PHKA1: variants seen among roughly 807,000 people sequenced by gnomAD.
PHKA1 encodes phosphorylase b kinase regulatory subunit alpha, skeletal muscle isoform.
In PHKA1, 60 loss-of-function variants were observed where a neutral mutation model predicts 110.2. The observed-to-expected ratio is 0.54, with a 90% CI of 0.44 to 0.68. The LOEUF is 0.68. Among genes scored for constraint, PHKA1 ranks in the 30% least tolerant of loss-of-function variants. The pLI is 0.00. For missense variants in PHKA1, 801 were observed against 942.5 expected (o/e 0.85, Z 1.97); for synonymous variants, 316 against 333.6 (o/e 0.95, Z 0.58).
At chrX:72,585,601 C>A (rs1297542564) in intron 29 of PHKA1, among the ~76,000 whole-genome samples, 1 of 111,738 alleles carries the variant, frequency 8.9e-6, no homozygotes, top group African/African-American at 3.3e-5. Context: ...GGAGGGCAAG[C>A]CAAAACAGGG....
chrX:72,695,958 A>C, intron 3 of PHKA1, 82 bp from the exon 4 acceptor site: 1 of 774,503 alleles, frequency 1.3e-6, no homozygotes, highest in Non-Finnish European at 2.0e-6. Flanking sequence ...TCTAACATAC[A>C]TTATTGCAAT....
intron 8 of PHKA1, 109 bp from the exon 9 acceptor site, chrX:72,657,750 T>C (rs1208109104): frequency 5.0e-6 from 3 of 604,665 alleles, no homozygotes; most frequent in Non-Finnish European, 8.1e-6. Context: ...CTATCACCGA[T>C]AAAGGCATAA....
intron 6 of PHKA1, among the ~76,000 whole-genome samples, chrX:72,673,625 T>A (rs1472305485): frequency 9.0e-6 from 1 of 110,501 alleles, no homozygotes; most frequent in East Asian, 2.8e-4. Context: ...CAATATTTGT[T>A]TCCAAAGGTA....
intron 3 of PHKA1, among the ~76,000 whole-genome samples, chrX:72,703,261 C>T (rs1376358536): frequency 8.9e-6 from 1 of 112,004 alleles, no homozygotes; most frequent in African/African-American, 3.2e-5. Context: ...CAAAGGACAA[C>T]TGAAAGACTT....
chrX:72,712,860 C>A lies in PHKA1; in HGVS notation c.156G>T (p.Leu52Phe). ...AWVRDNVYSI[L>F]AVWGLGLAYR... Reference sequence around the variant, plus strand: ...AGGCCAGGCCCAAACCCCACACAGCCAAGATGCTGTACACATTATCTCGGA... The same window carrying A: ...AGGCCAGGCCCAAACCCCACACAGCAAAGATGCTGTACACATTATCTCGGA... Residue 52 changes from leucine to phenylalanine, a missense_variant, in exon 2 of 32, where the codon TTG (leucine) becomes TTT (phenylalanine). Physicochemically the swap from Leu to Phe is conservative, Grantham distance 22. This residue lies in a region of PHKA1 where 299 missense variants were observed against 423.3 expected (regional missense o/e 0.71). Coordinates refer to ENST00000373542, the MANE Select transcript of PHKA1 (RefSeq NM_002637.4). 8.3e-7 allele frequency: 1 copy of A among 1,209,775 alleles called. No homozygotes were observed. The highest frequency in any genetic ancestry group is 1.1e-6 in the Non-Finnish European group (1 of 893,766).
chrX:72,605,076 G>A (rs377552825), intron 25 of PHKA1, among the ~76,000 whole-genome samples, 195 bp downstream of exon 25: 7 of 111,963 alleles, frequency 6.3e-5, no homozygotes, highest in South Asian at 3.7e-4. Context: ...CTGAAGCTGC[G>A]AACTGATACA....
At chrX:72,667,564 G>A in intron 6 of PHKA1, 91 bp from the exon 7 acceptor site, 2 of 628,404 alleles carry the variant, frequency 3.2e-6, no homozygotes, top group South Asian at 4.8e-5. Context: ...CAACACACAT[G>A]ATGTCACTTT....
At chrX:72,599,216 T>C (rs1556238611) in intron 28 of PHKA1, among the ~76,000 whole-genome samples, 6 of 112,074 alleles carry the variant, frequency 5.4e-5, no homozygotes, top group Non-Finnish European at 1.1e-4. Context: ...TTGTTTCGAA[T>C]AATTTTCCAT....
chrX:72,602,232 G>T lies in PHKA1; in HGVS notation c.2959C>A (p.His987Asn). The change falls in exon 27 of 32, where the codon CAC (histidine) becomes AAC (asparagine). Residue 987 changes from histidine to asparagine, a missense_variant. By Grantham distance (68) the His-to-Asn change is moderately conservative. This residue lies in a region of PHKA1 where 502 missense variants were observed against 519.2 expected (regional missense o/e 0.97). Coordinates refer to ENST00000373542, the MANE Select transcript of PHKA1 (RefSeq NM_002637.4). ...GTTGCTCCAACAGCACCAATCTCGTGGATAGAAATAGCAGGACTGACATTT... is the reference window on the plus strand; with the variant it reads ...GTTGCTCCAACAGCACCAATCTCGTTGATAGAAATAGCAGGACTGACATTT... ...DSNVSPAISI[H>N]EIGAVGATKT... 1 of 1,201,481 alleles carries T rather than the reference G, an allele frequency of 8.3e-7. No individual in the cohort carries two copies. Among genetic ancestry groups the T allele is most frequent in the Non-Finnish European group, 1.1e-6 (1 of 886,709 alleles).
chrX:72,627,236 G>C (rs1556283456), intron 16 of PHKA1, among the ~76,000 whole-genome samples, 187 bp from the exon 17 acceptor site: 1 of 107,088 alleles, frequency 9.3e-6, no homozygotes, highest in Admixed American at 1.1e-4. Flanking sequence ...AATGGTAAGG[G>C]ATGATGACTG....
intron 2 of PHKA1, 140 bp from the exon 3 acceptor site, chrX:72,705,385 T>C (rs2054268690): frequency 6.7e-6 from 3 of 450,678 alleles, no homozygotes; most frequent in Non-Finnish European, 8.1e-6. Context: ...ATTTACTTTA[T>C]TGGTACACAG....
intron 28 of PHKA1, among the ~76,000 whole-genome samples, chrX:72,601,499 T>C (rs376355322): frequency 9.0e-6 from 1 of 111,091 alleles, no homozygotes; most frequent in East Asian, 2.9e-4. Flanking sequence ...CCAGGGTGAT[T>C]GGACATCACC....
intron 21 of PHKA1, 63 bp downstream of exon 21, chrX:72,618,647 T>G: frequency 2.1e-6 from 2 of 972,712 alleles, no homozygotes; most frequent in Non-Finnish European, 2.9e-6. Flanking sequence ...TGTGCTCTAT[T>G]TATTATGCTA....
In PHKA1 at chrX:72,581,134, G is replaced by C. The variant is rs782121327; in HGVS notation, c.3540C>G (p.Pro1180=). 8.3e-7 allele frequency: 1 copy of C among 1,200,180 alleles called. No homozygotes were observed. The highest frequency in any genetic ancestry group is 1.8e-5 in the South Asian group (1 of 56,655). Residue 1180 remains proline, a synonymous_variant, in exon 32 of 32, where the codon CCC becomes CCG. Coordinates refer to ENST00000373542, the MANE Select transcript of PHKA1 (RefSeq NM_002637.4). ...ACAGAAGAGTACAGATGCCAGATGC[G>C]GGATCCTTTGCCAACATGGTATCAT... The part of the protein sequence containing the change: ...GADDTMLAKD[P]ASGICTLLYD...
intron 16 of PHKA1, 80 bp from the exon 17 acceptor site, chrX:72,627,129 C>T: frequency 1.3e-6 from 1 of 755,569 alleles, no homozygotes; most frequent in Non-Finnish European, 2.1e-6. Context: ...TATTTCAAAT[C>T]AACATTCTGG....
intron 14 of PHKA1, among the ~76,000 whole-genome samples, chrX:72,638,983 C>G (rs782549749): frequency 8.9e-6 from 1 of 112,057 alleles, no homozygotes; most frequent in Non-Finnish European, 1.9e-5. Flanking sequence ...TGTAATTACT[C>G]TCTGAAGCCT....
intron 21 of PHKA1, among the ~76,000 whole-genome samples, chrX:72,617,629 C>T (rs1428396457): frequency 9.0e-6 from 1 of 110,983 alleles, no homozygotes; most frequent in African/African-American, 3.3e-5. Context: ...CTAGAAGAAA[C>T]GGATAAATTT....
intron 13 of PHKA1, 52 bp downstream of exon 13, chrX:72,650,338 A>G (rs1556298538): frequency 1.0e-6 from 1 of 987,704 alleles, no homozygotes; most frequent in African/African-American, 1.9e-5. Flanking sequence ...ATCTCTGCCC[A>G]TAACCAGACC....
rs1556246455 is a variant in PHKA1, at chrX:72,603,362, C to A, written c.2816-142G>T. On this transcript the variant is annotated intron_variant, in intron 25 of 31. Transcript: ENST00000373542. ...GAATTACAAAATAAATTGATAGCAC[C>A]CTACTGCTTAGGTATTCTTACTTCC... is the stretch of plus-strand genomic sequence containing the variant. The A allele has an allele frequency of 8.5e-6, 4 of 470,015 alleles. No individual in the cohort carries two copies. The Admixed American group carries it at 9.2e-5, about 11-fold the overall frequency. 38.7% of individuals were successfully genotyped at this position (470,015 alleles called of 1,213,427 possible).
Sources: allele counts gnomAD v4.1 joint callset (sites outside exome capture counted in the v4.1 genomes callset), GRCh38; gene constraint gnomAD v4.1.1; regional missense constraint gnomAD v4.1.1; transcripts MANE v1.5; gene names NCBI Gene and HGNC (gene_info 2026-07-23, HGNC 2026-07-21).